AGO1: variants seen among roughly 807,000 people sequenced by gnomAD.
The protein encoded by AGO1 is protein argonaute-1.
AGO1 carries 11 observed loss-of-function variants against 109.2 expected under a neutral mutation model. That is an observed-to-expected ratio of 0.10 (90% CI 0.06 to 0.17). The LOEUF (loss-of-function observed/expected upper bound fraction) is 0.17, where lower values mean the gene tolerates loss of function less well. Among genes scored for constraint, AGO1 ranks in the 10% least tolerant of loss-of-function variants. The pLI is 1.00. For synonymous variants in AGO1, 422 were observed against 418.6 expected (o/e 1.01, Z -0.10); for missense variants, 574 against 1,140.3 (o/e 0.50, Z 7.15).
intron 8 of AGO1, among the ~76,000 whole-genome samples, chr1:35,900,068 CTG>C (rs1360207164): frequency 6.6e-6 from 1 of 152,154 alleles, no homozygotes; most frequent in Non-Finnish European, 1.5e-5. Flanking sequence ...TTTATGATCT[CTG>C]TTGTTTTCTG....
chr1:35,884,811 C>G (rs975978051), intron 1 of AGO1, among the ~76,000 whole-genome samples: 1 of 152,092 alleles, frequency 6.6e-6, no homozygotes, highest in African/African-American at 2.4e-5. Flanking sequence ...GTGGTGATAC[C>G]TCTTGTGTCT....
chr1:35,872,288 C>T (rs909320324), intron 1 of AGO1, among the ~76,000 whole-genome samples: 1 of 149,610 alleles, frequency 6.7e-6, no homozygotes, highest in Non-Finnish European at 1.5e-5. Context: ...CAAGTTCCAG[C>T]GATTCTCCTG....
Position 35,915,344 on chromosome 1 carries a change from T to C in AGO1, c.1834-4T>C. 1.2e-6 allele frequency: 2 copies of C among 1,610,698 alleles called. No individual in the cohort carries two copies. Among genetic ancestry groups the C allele is most frequent in the Non-Finnish European group, 1.7e-6 (2 of 1,177,088 alleles). On this transcript the variant is annotated splice_polypyrimidine_tract_variant and splice_region_variant and intron_variant, in intron 14 of 18. Transcript: ENST00000373204. The stretch of plus-strand genomic sequence containing the variant: ...GGAGCTAATCCTTTCTCTCTGACTG[T>C]CAGGTGGTAGGCAGTATGGATGCCC...
chr1:35,884,959 T>C (rs1645095135), intron 1 of AGO1, among the ~76,000 whole-genome samples: 1 of 152,166 alleles, frequency 6.6e-6, no homozygotes, highest in African/African-American at 2.4e-5. Flanking sequence ...ACTTTCCTAG[T>C]GGAATTATTT....
chr1:35,893,421 T>A lies in AGO1; in HGVS notation c.512+143T>A. 2.1e-6 allele frequency: 2 copies of A among 973,238 alleles called. No individual in the cohort carries two copies. The highest frequency in any genetic ancestry group is 3.0e-6 in the Non-Finnish European group (2 of 673,424). 60.3% of individuals were successfully genotyped at this position (973,238 alleles called of 1,614,324 possible). On this transcript the variant is annotated intron_variant, in intron 4 of 18. Coordinates refer to ENST00000373204, the MANE Select transcript of AGO1 (RefSeq NM_012199.5). The surrounding 1 kb of genome is among the most constrained non-coding windows in gnomAD (Gnocchi z 5.6). ...CCCTACCACTTGCCAGGCAAATGTG[T>A]ATTTATATTTAGATGGTTTAAAGCC...
chr1:35,870,739 C>T (rs1011846151), intron 1 of AGO1, among the ~76,000 whole-genome samples: 2 of 152,096 alleles, frequency 1.3e-5, no homozygotes, highest in East Asian at 1.9e-4. Context: ...CTTCATAATC[C>T]ATTCCCATTC....
chr1:35,876,526 A>G (rs1644994347), intron 1 of AGO1, among the ~76,000 whole-genome samples: 1 of 152,126 alleles, frequency 6.6e-6, no homozygotes, highest in South Asian at 2.1e-4. Context: ...TCGGCCTCCC[A>G]AAGTGCTGGG....
In AGO1 at chr1:35,920,750, T is replaced by G. The variant is rs780857425; in HGVS notation, c.*1143T>G. 39 of 152,762 alleles carry G rather than the reference T, an allele frequency of 2.6e-4. No homozygotes were observed. Among genetic ancestry groups the G allele is most frequent in the African/African-American group, 7.7e-4 (32 of 41,576 alleles). The allele number at this position is 152,762 out of a possible 1,614,324, so 9.5% of individuals were successfully genotyped here. A position where few individuals can be genotyped will look rare whatever the true frequency, so the allele number is the denominator to read the frequency against. ...TTCATAGCATTTTTCACTCTTGGCTTCTTTTCTCCCTTGATGGTCAAGTCT... is the reference window on the plus strand; with the variant it reads ...TTCATAGCATTTTTCACTCTTGGCTGCTTTTCTCCCTTGATGGTCAAGTCT... On this transcript the variant is annotated 3_prime_UTR_variant, in exon 19 of 19. Transcript: ENST00000373204.
At position 35,892,676 on chromosome 1, in the gene AGO1, G is replaced by C. The variant is rs773265965; in HGVS notation, c.329G>C (p.Arg110Pro). 6.2e-7 allele frequency: 1 copy of C among 1,614,218 alleles called. No individual in the cohort carries two copies. Among genetic ancestry groups the C allele is most frequent in the Non-Finnish European group, 8.5e-7 (1 of 1,180,034 alleles). ...ACAGCACTGCCCATTGGCAACGAAC[G>C]GGTAAGGTTGGGAGTCAGGCTAGGC... ...TVTALPIGNE[R>P]VDFEVTIPGE... is the part of the protein sequence containing the mutation. The change falls in exon 3 of 19, where the codon CGG becomes CCG. Residue 110 changes from arginine (R) to proline (P), a missense_variant and splice_region_variant. Around this residue, in one of 8 missense-constraint regions of AGO1, gnomAD observed 129 missense variants for 243.0 expected, o/e 0.53. Coordinates refer to ENST00000373204, the MANE Select transcript of AGO1 (RefSeq NM_012199.5).
In AGO1 at chr1:35,883,708, G is replaced by A. The variant is rs1645070225; in HGVS notation, c.25+262G>A. ...ATCTGGGAGAAGGGCCTGCACGCAC[G>A]GAAGGACTCCCAGACATCCGTGGAG... On this transcript the variant is annotated intron_variant, in intron 1 of 18. Transcript: ENST00000373204. The surrounding 1 kb of genome is among the most constrained non-coding windows in gnomAD (Gnocchi z 5.4). Among the ~76,000 whole-genome samples, 1 of 152,232 alleles carries A rather than the reference G, an allele frequency of 6.6e-6. No individual in the cohort carries two copies. Among genetic ancestry groups the A allele is most frequent in the South Asian group, 2.1e-4 (1 of 4,834 alleles).
rs774749949 is a variant in AGO1 at position 35,883,408 on chromosome 1, C to T, written c.-14C>T. 7.0e-6 allele frequency: 11 copies of T among 1,580,280 alleles called. No individual in the cohort carries two copies. The Admixed American group carries it at 1.6e-4, about 23-fold the overall frequency. On this transcript the variant is annotated 5_prime_UTR_variant, in exon 1 of 19. Coordinates refer to ENST00000373204, the MANE Select transcript of AGO1 (RefSeq NM_012199.5). The surrounding 1 kb of genome is among the most constrained non-coding windows in gnomAD (Gnocchi z 5.4). ...CAGTCTCCGGGCCGCCTGACCTCCG[C>T]ACGGGTATATGGGATGGAAGCGGGA... is the stretch of plus-strand genomic sequence containing the variant.
intron 2 of AGO1, 47 bp from the exon 3 acceptor site, chr1:35,892,510 G>C: frequency 6.2e-7 from 1 of 1,613,618 alleles, no homozygotes; most frequent in Non-Finnish European, 8.5e-7. Flanking sequence ...AAAACTTGAA[G>C]TGGTGGTAGT....
chr1:35,889,340 A>C (rs1247257394), intron 2 of AGO1, among the ~76,000 whole-genome samples: 1 of 151,426 alleles, frequency 6.6e-6, no homozygotes, highest in Non-Finnish European at 1.5e-5. Flanking sequence ...CAGCCTCCTA[A>C]CTGGGATTAC....
At chr1:35,902,769 T>C (rs1182239957) in intron 11 of AGO1, among the ~76,000 whole-genome samples, 1 of 152,106 alleles carries the variant, frequency 6.6e-6, no homozygotes, top group East Asian at 1.9e-4. Context: ...TTGTCCAAAG[T>C]TTGCACATCA....
upstream of AGO1, among the ~76,000 whole-genome samples, chr1:35,882,676 G>A (rs1645049540): frequency 6.6e-6 from 1 of 152,202 alleles, no homozygotes; most frequent in Non-Finnish European, 1.5e-5. The surrounding 1 kb of genome is among the most constrained non-coding windows in gnomAD (Gnocchi z 5.1). Context: ...AGGGTAGGCC[G>A]CGTCTCTACT....
At chr1:35,887,738 C>A (rs1473841226) in intron 1 of AGO1, among the ~76,000 whole-genome samples, 1 of 152,106 alleles carries the variant, frequency 6.6e-6, no homozygotes, top group East Asian at 1.9e-4. Flanking sequence ...CTCTTTTGCC[C>A]CACCCCTTGA....
chr1:35,870,505 G>A (rs1453685037), intron 1 of AGO1, among the ~76,000 whole-genome samples: 1 of 151,958 alleles, frequency 6.6e-6, no homozygotes, highest in Non-Finnish European at 1.5e-5. Flanking sequence ...GGATGGTCTC[G>A]ATCTCTTGAC....
At chr1:35,874,836 G>C (rs566371163) in intron 1 of AGO1, among the ~76,000 whole-genome samples, 3 of 152,280 alleles carry the variant, frequency 2.0e-5, no homozygotes, top group African/African-American at 7.2e-5. Context: ...ATCTGATATG[G>C]AGAAAGTTTT....
intron 8 of AGO1, among the ~76,000 whole-genome samples, chr1:35,897,661 C>T (rs1337914726): frequency 6.6e-6 from 1 of 152,038 alleles, no homozygotes; most frequent in African/African-American, 2.4e-5. Flanking sequence ...GGAAGCATTG[C>T]TTGAACCCAG....
Sources: allele counts gnomAD v4.1 joint callset (sites outside exome capture counted in the v4.1 genomes callset), GRCh38; gene constraint gnomAD v4.1.1; regional missense constraint gnomAD v4.1.1; non-coding constraint Gnocchi (gnomAD v3.1); transcripts MANE v1.5; gene names NCBI Gene and HGNC (gene_info 2026-07-23, HGNC 2026-07-21).